ANP32E: variants seen among roughly 807,000 people sequenced by gnomAD.
ANP32E encodes the protein acidic nuclear phosphoprotein 32 family member E.
In ANP32E, 14 loss-of-function variants were observed where a neutral mutation model predicts 35.3. The observed-to-expected ratio is 0.40, with a 90% confidence interval of 0.26 to 0.62. The LOEUF is 0.62. Among genes scored for constraint, ANP32E ranks in the 20% least tolerant of loss-of-function variants. ANP32E has a pLI of 0.45. For missense variants in ANP32E, 198 were observed against 304.4 expected, an observed-to-expected ratio of 0.65 and a Z score of 2.60; for synonymous variants, 89 against 110.4, an observed-to-expected ratio of 0.81 and a Z score of 1.22.
At chr1:150,223,098 T>G (rs1648567774) in intron 6 of ANP32E, 88 bp downstream of exon 6, 1 of 1,401,664 alleles carries the variant, frequency 7.1e-7, no homozygotes, top group East Asian at 2.4e-5. Context: ...AGGCTCATTC[T>G]TTAAAGTGTA....
chr1:150,226,521 T>G, intron 5 of ANP32E, 87 bp downstream of exon 5: 1 of 1,505,690 alleles, frequency 6.6e-7, no homozygotes, highest in Non-Finnish European at 8.9e-7. Context: ...GAAACAACTC[T>G]CAGATTGCTA....
At chr1:150,223,973 G>A (rs1237996237) in intron 5 of ANP32E, among the ~76,000 whole-genome samples, 1 of 151,852 alleles carries the variant, frequency 6.6e-6, no homozygotes, top group Non-Finnish European at 1.5e-5. Context: ...TCAAACTCCC[G>A]ACCTCAAGTG....
chr1:150,232,637 A>AT (rs1213047914), intron 1 of ANP32E, among the ~76,000 whole-genome samples: 1 of 151,068 alleles, frequency 6.6e-6, no homozygotes, highest in Non-Finnish European at 1.5e-5. Flanking sequence ...CTCCCGGCTA[A>AT]TTTTTTTGTA....
rs782721801 is a variant in ANP32E at position 150,231,863 on chromosome 1, T to C, written c.118A>G (p.Thr40Ala). The C allele has an allele frequency of 6.2e-7, 1 of 1,613,358 alleles. No homozygotes were observed. Among genetic ancestry groups the C allele is most frequent in the Non-Finnish European group, 8.5e-7 (1 of 1,179,840 alleles). The change falls in exon 2 of 7, where the codon ACT becomes GCT. Residue 40 changes from threonine (T) to alanine (A), a missense_variant. Physicochemically the swap from Thr to Ala is moderately conservative, Grantham distance 58. Coordinates refer to ENST00000583931, the MANE Select transcript of ANP32E (RefSeq NM_030920.5). ...VNGEIEGLND[T>A]FKELEFLSMA... ...CTCAGAAATTCTAGTTCTTTGAAAGTATCATTCAGGCCTTCAATTTCCCCA... is the reference window on the plus strand; with the variant it reads ...CTCAGAAATTCTAGTTCTTTGAAAGCATCATTCAGGCCTTCAATTTCCCCA...
In ANP32E at chr1:150,229,066, G is replaced by C. The variant is rs587652193; in HGVS notation, c.493+6C>G. 1.2e-6 allele frequency: 2 copies of C among 1,611,382 alleles called. No individual in the cohort carries two copies. Among genetic ancestry groups the C allele is most frequent in the South Asian group, 1.1e-5 (1 of 90,914 alleles). ...TGACACACTTATGAGTATTAAGAACGATTACCCTCATCATCCTCCTCTTCA... is the reference window on the plus strand; with the variant it reads ...TGACACACTTATGAGTATTAAGAACCATTACCCTCATCATCCTCCTCTTCA... On this transcript the variant is annotated splice_donor_region_variant and intron_variant, in intron 4 of 6. Coordinates refer to ENST00000583931, the MANE Select transcript of ANP32E (RefSeq NM_030920.5).
In ANP32E at chr1:150,235,171, T is replaced by A. The variant is rs1459046488; in HGVS notation, c.54+562A>T. On this transcript the variant is annotated intron_variant, in intron 1 of 6. Transcript: ENST00000583931. The surrounding 1 kb of genome is among the most constrained non-coding windows in gnomAD (Gnocchi z 4.2). ...AAGGGCAGAGGGCGGCGCGCGCGGC[T>A]TCCCGGAGGAGTGGGCGCCGCCGGA... Among the ~76,000 whole-genome samples, 1 of 152,170 alleles carries A rather than the reference T, an allele frequency of 6.6e-6. No individual in the cohort carries two copies. The highest frequency in any genetic ancestry group is 1.5e-5 in the Non-Finnish European group (1 of 68,014).
chr1:150,227,569 T>C (rs1179918236), intron 4 of ANP32E, among the ~76,000 whole-genome samples: 4 of 151,336 alleles, frequency 2.6e-5, no homozygotes, highest in African/African-American at 9.7e-5. Flanking sequence ...GACATAAAGA[T>C]GGGAACAGAC....
At chr1:150,228,657 A>T (rs1464082268) in intron 4 of ANP32E, among the ~76,000 whole-genome samples, 2 of 150,422 alleles carry the variant, frequency 1.3e-5, no homozygotes, top group African/African-American at 4.9e-5. Context: ...GTGCCACTGC[A>T]CTCTAGCCTG....
Position 150,235,731 on chromosome 1 carries a change from A to C in ANP32E, c.54+2T>G. On this transcript the variant is annotated splice_donor_variant, in intron 1 of 6. Transcript: ENST00000583931. LOFTEE classifies it high-confidence loss of function. This position sits in a 1 kb window ranked among gnomAD's most constrained non-coding sequence, Gnocchi z 4.2. Reference sequence around the variant, plus strand: ...GAAGCGGTGGGGGCTGAGTCATCTCACCTCCTCCGGGGATCTGTTCCTTAA... The same window carrying C: ...GAAGCGGTGGGGGCTGAGTCATCTCCCCTCCTCCGGGGATCTGTTCCTTAA... The C allele has an allele frequency of 6.2e-7, 1 of 1,612,902 alleles. No individual in the cohort carries two copies. Among genetic ancestry groups the C allele is most frequent in the Non-Finnish European group, 8.5e-7 (1 of 1,179,570 alleles).
chr1:150,226,902 G>A (rs1413594489), intron 4 of ANP32E, 107 bp from the exon 5 acceptor site: 2 of 1,391,292 alleles, frequency 1.4e-6, no homozygotes, highest in Non-Finnish European at 1.9e-6. Context: ...TAAGCCAATA[G>A]GTGGAAAGTA....
Position 150,236,026 on chromosome 1 carries a change from ACACG to A in ANP32E, c.-244_-241del, listed in dbSNP as rs1258969908. 5 of 532,010 alleles carry A rather than the reference ACACG, an allele frequency of 9.4e-6. No individual in the cohort carries two copies. Among genetic ancestry groups the A allele is most frequent in the Middle Eastern group, 3.3e-4 (1 of 3,056 alleles). 33.0% of individuals were successfully genotyped at this position (532,010 alleles called of 1,614,324 possible). On this transcript the variant is annotated 5_prime_UTR_variant, in exon 1 of 7. It introduces an in-frame stop codon into an upstream open reading frame of the 5' UTR. Coordinates refer to ENST00000583931, the MANE Select transcript of ANP32E (RefSeq NM_030920.5). ...TGTCCACACACTAGCGCGCGCACAC[ACACG>A]CACGCACGCGCGCACACACATACAC...
At chr1:150,230,781 G>A (rs782808801) in intron 2 of ANP32E, 88 bp from the exon 3 acceptor site, 17 of 1,289,542 alleles carry the variant, frequency 1.3e-5, no homozygotes, top group East Asian at 7.8e-5. Flanking sequence ...TCACTCTGTC[G>A]CCCAGGCTGG....
At chr1:150,232,467 C>CTT (rs1240658324) in intron 1 of ANP32E, among the ~76,000 whole-genome samples, 140,993 of 141,152 alleles carry the variant, frequency 1, 70,422 homozygotes, top group Middle Eastern at 1. Flanking sequence ...TTTTAAATTT[C>CTT]TTTTTTCTTT....
chr1:150,235,232 C>T lies in ANP32E; in HGVS notation c.54+501G>A, dbSNP rs1321231505. ...CGCGGACCCTGCAAGCGACCCCAGC[C>T]CGCGCCCGTCGCGACGTCGGACGCC... On this transcript the variant is annotated intron_variant, in intron 1 of 6. Transcript: ENST00000583931. This position sits in a 1 kb window ranked among gnomAD's most constrained non-coding sequence, Gnocchi z 4.2. Among the ~76,000 whole-genome samples the T allele has an allele frequency of 2.0e-5, 3 of 152,226 alleles. No individual in the cohort carries two copies. The highest frequency in any genetic ancestry group is 7.2e-5 in the African/African-American group (3 of 41,466).
At chr1:150,229,356 G>T in intron 3 of ANP32E, 119 bp from the exon 4 acceptor site, 1 of 626,308 alleles carries the variant, frequency 1.6e-6, no homozygotes, top group Non-Finnish European at 2.6e-6. Flanking sequence ...GGAATTCAGC[G>T]CCACGATCTC....
chr1:150,235,854 C>A lies in ANP32E; in HGVS notation c.-68G>T. 8.5e-7 allele frequency: 1 copy of A among 1,183,274 alleles called. No individual in the cohort carries two copies. 73.3% of individuals were successfully genotyped at this position (1,183,274 alleles called of 1,614,324 possible). ...CCTGCCTTCCCCAATACCCCCAACC[C>A]AAAATTTTTAAGAGATTTAGAAATG... is the stretch of plus-strand genomic sequence containing the variant. On this transcript the variant is annotated 5_prime_UTR_variant, in exon 1 of 7. Coordinates refer to ENST00000583931, the MANE Select transcript of ANP32E (RefSeq NM_030920.5). The surrounding 1 kb of genome is among the most constrained non-coding windows in gnomAD (Gnocchi z 4.2).
chr1:150,224,216 GGAGA>G (rs1474375512), intron 5 of ANP32E, among the ~76,000 whole-genome samples: 1 of 152,134 alleles, frequency 6.6e-6, no homozygotes, highest in African/African-American at 2.4e-5. Context: ...AACTGAAGAA[GGAGA>G]GACAAGAAAA....
Position 150,226,793 on chromosome 1 carries a change from C to T in ANP32E, c.496G>A (p.Gly166Ser). 2 of 1,597,006 alleles carry T rather than the reference C, an allele frequency of 1.3e-6. No homozygotes were observed. Among genetic ancestry groups the T allele is most frequent in the East Asian group, 2.2e-5 (1 of 44,552 alleles). The change falls in exon 5 of 7, where the codon GGC becomes AGC. Residue 166 changes from glycine to serine, a missense_variant and splice_region_variant. Physicochemically the swap from Gly to Ser is moderately conservative, Grantham distance 56 (BLOSUM62 0). This residue lies in a region of ANP32E where 121 missense variants were observed against 137.3 expected (regional missense o/e 0.88). Coordinates refer to ENST00000583931, the MANE Select transcript of ANP32E (RefSeq NM_030920.5). ...TCTTCCTCTTCATCATCTTCATCGC[C>T]ATCTTTAAAAAATCATTTAAAGATG... ...PDSEEEDDED[G>S]DEDDEEEEEN...
chr1:150,233,908 G>A (rs12060797), intron 1 of ANP32E, among the ~76,000 whole-genome samples: 13,651 of 151,946 alleles, frequency 0.09, 2,004 homozygotes, highest in African/African-American at 0.31. Flanking sequence ...GTTTAGCTGA[G>A]GAGTGGGGGC....
Sources: gnomAD v4.1 joint callset for allele counts (sites outside exome capture counted in the v4.1 genomes callset) on GRCh38, gnomAD v4.1.1 for gene constraint, gnomAD v4.1.1 regional missense constraint, Gnocchi (gnomAD v3.1) non-coding constraint, MANE v1.5 for transcripts, NCBI Gene and HGNC (gene_info 2026-07-23, HGNC 2026-07-21) for gene names.